Variants in BACE2 observed in about 807,000 individuals in gnomAD.
BACE2 encodes beta-secretase 2, also known as 56 kDa aspartic-like protease.
Under a neutral mutation model 46.2 loss-of-function variants are expected in BACE2, and 17 were observed. The observed-to-expected ratio is 0.37, with a 90% confidence interval of 0.25 to 0.55. The LOEUF is 0.55. BACE2 is among the 20% of genes least tolerant of loss of function. The pLI is 0.82. For synonymous variants in BACE2, 277 were observed against 295.9 expected (o/e 0.94, Z 0.66); for missense variants, 595 against 698.1 (o/e 0.85, Z 1.66).
In BACE2 at chr21:41,275,993, A is replaced by C. The variant is rs2088485439; in HGVS notation, c.*369A>C. 1 of 214,890 alleles carries C rather than the reference A, an allele frequency of 4.7e-6. No individual in the cohort carries two copies. The highest frequency in any genetic ancestry group is 9.4e-6 in the Non-Finnish European group (1 of 105,986). 13.3% of individuals were successfully genotyped at this position (214,890 alleles called of 1,614,324 possible). ...AATCTCTGGAAAAATAAGTACATAT[A>C]GTTGATAACCCCTCTTAGCTTACAG... On this transcript the variant is annotated 3_prime_UTR_variant, in exon 9 of 9. Coordinates refer to ENST00000330333, the MANE Select transcript of BACE2 (RefSeq NM_012105.5).
Position 41,243,426 on chromosome 21 carries a change from C to G in BACE2, c.798C>G (p.Thr266=), listed in dbSNP as rs781499365. The G allele has an allele frequency of 6.2e-7, 1 of 1,612,198 alleles. No homozygotes were observed. The highest frequency in any genetic ancestry group is 8.5e-7 in the Non-Finnish European group (1 of 1,179,232). The change falls in exon 5 of 9, where the codon ACC becomes ACG. Residue 266 remains threonine (T), a synonymous_variant. Coordinates refer to ENST00000330333, the MANE Select transcript of BACE2 (RefSeq NM_012105.5). ...TGTATAAAGGAGACATCTGGTATAC[C>G]CCTATTAAGGAAGAGTGGTACTACC... ...PSLYKGDIWY[T]PIKEEWYYQI...
At chr21:41,209,224 C>T (rs1273553049) in intron 1 of BACE2, among the ~76,000 whole-genome samples, 29 of 152,240 alleles carry the variant, frequency 1.9e-4, no homozygotes, top group Non-Finnish European at 2.5e-4. Flanking sequence ...GGTGCCTGCG[C>T]CTTCTGGGGG....
chr21:41,197,284 T>G (rs936712969), intron 1 of BACE2, among the ~76,000 whole-genome samples: 4 of 151,810 alleles, frequency 2.6e-5, no homozygotes, highest in African/African-American at 4.8e-5. Flanking sequence ...TGTTTTTTTT[T>G]TTTTTTAAAG....
intron 1 of BACE2, among the ~76,000 whole-genome samples, chr21:41,170,248 C>T (rs2297272): frequency 3.8e-4 from 57 of 151,678 alleles, no homozygotes; most frequent in Non-Finnish European, 7.2e-4. Context: ...TAATAACTTG[C>T]CTGTTAATTA....
In BACE2 at chr21:41,174,745, C is replaced by G. The variant is rs534879258; in HGVS notation, c.312+6170C>G. ...TGAGTGAGGTCCCTCTCCAGGTGAC[C>G]TGAGGCTCCTATGACTGACTGTGAG... On this transcript the variant is annotated intron_variant, in intron 1 of 8. Coordinates refer to ENST00000330333, the MANE Select transcript of BACE2 (RefSeq NM_012105.5). 7.9e-5 allele frequency among the ~76,000 whole-genome samples: 12 copies of G among 152,252 alleles called. No homozygotes were observed. The East Asian group carries it at 2.3e-3, about 29-fold the overall frequency.
intron 1 of BACE2, among the ~76,000 whole-genome samples, chr21:41,208,494 C>T (rs1986199025): frequency 6.6e-6 from 1 of 152,184 alleles, no homozygotes; most frequent in African/African-American, 2.4e-5. Flanking sequence ...AGGCTATTCC[C>T]AGGGGGAGGC....
At chr21:41,205,456 G>T (rs1044890429) in intron 1 of BACE2, among the ~76,000 whole-genome samples, 3 of 152,178 alleles carry the variant, frequency 2.0e-5, no homozygotes, top group African/African-American at 7.2e-5. Context: ...TGGTAAAATT[G>T]CAAGGCCATT....
chr21:41,252,756 T>G (rs1422933193), intron 7 of BACE2, among the ~76,000 whole-genome samples: 1 of 152,204 alleles, frequency 6.6e-6, no homozygotes, highest in Non-Finnish European at 1.5e-5. Context: ...GGAATTGGAC[T>G]GCAGGGACAA....
At chr21:41,180,110 C>T (rs1732696520) in intron 1 of BACE2, 1 of 206,452 alleles carries the variant, frequency 4.8e-6, no homozygotes, top group Non-Finnish European at 1.1e-5. Flanking sequence ...TATTTGTATC[C>T]ACTTTTAATT....
At chr21:41,270,922 G>A (rs973525783) in intron 8 of BACE2, among the ~76,000 whole-genome samples, 1 of 152,126 alleles carries the variant, frequency 6.6e-6, no homozygotes, top group Non-Finnish European at 1.5e-5. Flanking sequence ...GACTATATTT[G>A]TGGATTTGTC....
chr21:41,201,278 C>A lies in BACE2; in HGVS notation c.313-24988C>A, dbSNP rs557802109. ...GTCCCAGCAGCCCCGCAGCTCTGATCGTAGTAGAGGTGGTTTAAAGAGAAA... is the reference window on the plus strand; with the variant it reads ...GTCCCAGCAGCCCCGCAGCTCTGATAGTAGTAGAGGTGGTTTAAAGAGAAA... On this transcript the variant is annotated intron_variant, in intron 1 of 8. Coordinates refer to ENST00000330333, the MANE Select transcript of BACE2 (RefSeq NM_012105.5). Among the ~76,000 whole-genome samples, 24 of 152,334 alleles carry A rather than the reference C, an allele frequency of 1.6e-4. 1 individual carries two copies. In the East Asian group the frequency reaches 3.9e-3, roughly 24 times the overall value.
rs2088493611 is a variant in BACE2 at position 41,276,703 on chromosome 21, G to C, written c.*1079G>C. ...GGCCTGATGCCCCTATTTCTGACCAGCTGTCAGGGAAGGAAGATGCAAGAT... is the reference window on the plus strand; with the variant it reads ...GGCCTGATGCCCCTATTTCTGACCACCTGTCAGGGAAGGAAGATGCAAGAT... On this transcript the variant is annotated 3_prime_UTR_variant, in exon 9 of 9. Transcript: ENST00000330333. 1 of 152,260 alleles carries C rather than the reference G, an allele frequency of 6.6e-6. No homozygotes were observed. The highest frequency in any genetic ancestry group is 2.1e-4 in the South Asian group (1 of 4,830). The allele number at this position is 152,260 out of a possible 1,614,324, so 9.4% of individuals were successfully genotyped here.
intron 1 of BACE2, among the ~76,000 whole-genome samples, chr21:41,206,321 C>T (rs1306257152): frequency 6.6e-6 from 1 of 152,190 alleles, no homozygotes; most frequent in Non-Finnish European, 1.5e-5. Context: ...ATCCATGAGG[C>T]TCCATCCTCA....
chr21:41,207,721 C>T (rs1010027582), intron 1 of BACE2, among the ~76,000 whole-genome samples: 21 of 152,324 alleles, frequency 1.4e-4, no homozygotes, highest in African/African-American at 4.6e-4. Context: ...TGCAAAGGAA[C>T]ACAGGCTCTC....
At position 41,281,292 on chromosome 21, in the gene BACE2, A is replaced by G. The variant is rs1023463609; in HGVS notation, c.*5668A>G. 3 of 152,256 alleles carry G rather than the reference A, an allele frequency of 2.0e-5. No individual in the cohort carries two copies. The highest frequency in any genetic ancestry group is 4.4e-5 in the Non-Finnish European group (3 of 68,044). 9.4% of individuals were successfully genotyped at this position (152,256 alleles called of 1,614,324 possible). ...ATTTATAATTAGAAATGACAGATTT[A>G]TAATATAGACTTCAGTAAGTTGGGC... On this transcript the variant is annotated 3_prime_UTR_variant, in exon 9 of 9. Transcript: ENST00000330333.
At chr21:41,243,127 C>T (rs146170092) in intron 4 of BACE2, among the ~76,000 whole-genome samples, 3,917 of 152,056 alleles carry the variant, frequency 0.026, 170 homozygotes, top group African/African-American at 0.088. Context: ...CTAGCCAGGC[C>T]GTTCTCGAAC....
chr21:41,238,640 C>T (rs917069820), intron 3 of BACE2, among the ~76,000 whole-genome samples: 1 of 151,998 alleles, frequency 6.6e-6, no homozygotes, highest in African/African-American at 2.4e-5. Context: ...ATGATGAGTT[C>T]ATGTCCTTTG....
At position 41,225,217 on chromosome 21, in the gene BACE2, G is replaced by C. The variant is rs554535760; in HGVS notation, c.313-1049G>C. ...CCACTGCACTCCAGCCTGAACGATA[G>C]AGCGAGACTCCATCTCAAAAAAAAA... On this transcript the variant is annotated intron_variant, in intron 1 of 8. Transcript: ENST00000330333. Among the ~76,000 whole-genome samples the C allele has an allele frequency of 5.0e-4, 74 of 147,708 alleles. 1 individual carries two copies. Among genetic ancestry groups the C allele is most frequent in the African/African-American group, 1.8e-3 (70 of 39,744 alleles).
intron 1 of BACE2, chr21:41,179,738 GCTGAGGGTGC>G (rs1985037471): frequency 2.8e-6 from 3 of 1,064,648 alleles, no homozygotes; most frequent in Non-Finnish European, 3.8e-6. Context: ...GGAGAATCAA[GCTGAGGGTGC>G]CTGGTGTGGG....
Sources: allele counts gnomAD v4.1 joint callset (sites outside exome capture counted in the v4.1 genomes callset), GRCh38; gene constraint gnomAD v4.1.1; transcripts MANE v1.5; gene names NCBI Gene and HGNC (gene_info 2026-07-23, HGNC 2026-07-21).